HES6: variants seen among roughly 807,000 people sequenced by gnomAD.
The protein encoded by HES6 is transcription cofactor HES-6.
Under a neutral mutation model 16.4 loss-of-function variants are expected in HES6, and 24 were observed. The observed-to-expected ratio is 1.46, with a 90% CI of 1.06 to 2.06. HES6 has a LOEUF of 2.06. HES6 is among the 30% of genes most tolerant of loss of function. HES6 has a pLI of 0.00. For missense variants in HES6, 355 were observed against 317.6 expected (o/e 1.12, Z -0.90); for synonymous variants, 159 against 144.3 (o/e 1.10, Z -0.73).
At position 238,238,893 on chromosome 2, in the gene HES6, C is replaced by G. The variant is rs766348993; in HGVS notation, c.609G>C (p.Leu203Phe). The change falls in exon 4 of 4, where the codon TTG becomes TTC. Residue 203 changes from leucine to phenylalanine, a missense_variant. Leu to Phe is a conservative substitution (Grantham distance 22). Transcript: ENST00000272937. ...LSQAPAEGPD[L>F]VPAALGSLTT... Reference sequence around the variant, plus strand: ...TCAGGCTGCCCAGGGCTGCGGGCACCAAGTCGGGCCCCTCAGCAGGAGCCT... The same window carrying G: ...TCAGGCTGCCCAGGGCTGCGGGCACGAAGTCGGGCCCCTCAGCAGGAGCCT... The G allele has an allele frequency of 6.3e-7, 1 of 1,581,212 alleles. No homozygotes were observed. Among genetic ancestry groups the G allele is most frequent in the African/African-American group, 1.3e-5 (1 of 74,304 alleles).
At position 238,238,976 on chromosome 2, in the gene HES6, C is replaced by G. The variant is rs1559315315; in HGVS notation, c.526G>C (p.Gly176Arg). 6.2e-7 allele frequency: 1 copy of G among 1,604,116 alleles called. No individual in the cohort carries two copies. The highest frequency in any genetic ancestry group is 1.3e-5 in the African/African-American group (1 of 74,876). ...APGSPIPSPP[G>R]PGDDLCSDLE... is the part of the protein sequence containing the mutation. Reference sequence around the variant, plus strand: ...TCGGAGCACAGGTCGTCCCCAGGACCCGGGGGGCTGGGTATTGGGGATCCC... The same window carrying G: ...TCGGAGCACAGGTCGTCCCCAGGACGCGGGGGGCTGGGTATTGGGGATCCC... Residue 176 changes from glycine to arginine, a missense_variant, in exon 4 of 4, where the codon GGT (glycine) becomes CGT (arginine). By Grantham distance (125) the Gly-to-Arg change is moderately radical (BLOSUM62 -2). Transcript: ENST00000272937.
Position 238,239,147 on chromosome 2 carries a change from C to T in HES6, c.355G>A (p.Ala119Thr), listed in dbSNP as rs767237191. Residue 119 changes from alanine (A) to threonine (T), a missense_variant, in exon 4 of 4, where the codon GCT becomes ACT. Physicochemically the swap from Ala to Thr is moderately conservative, Grantham distance 58. Coordinates refer to ENST00000272937, the MANE Select transcript of HES6 (RefSeq NM_018645.6). ...TFVSTCQAID[A>T]TVAAELLNHL... Reference sequence around the variant, plus strand: ...TTCAGGAGCTCGGCAGCGACGGTAGCGTCGATGGCCTGGCACGTGGACACG... The same window carrying T: ...TTCAGGAGCTCGGCAGCGACGGTAGTGTCGATGGCCTGGCACGTGGACACG... 2.5e-6 allele frequency: 4 copies of T among 1,612,460 alleles called. No homozygotes were observed. In the African/African-American group the frequency reaches 4.0e-5, roughly 16 times the overall value.
chr2:238,239,403 G>C, intron 3 of HES6, 84 bp downstream of exon 3: 1 of 1,285,050 alleles, frequency 7.8e-7, no homozygotes, highest in Non-Finnish European at 1.0e-6. Flanking sequence ...CGACAGGACA[G>C]GGGCGCCGGG....
Position 238,238,724 on chromosome 2 carries a change from G to A in HES6, c.*103C>T. Reference sequence around the variant, plus strand: ...CATCAGAGGAGGGAGGGAAGACCTGGGAGACTTCCAGGGCCCTACCCCACC... The same window carrying A: ...CATCAGAGGAGGGAGGGAAGACCTGAGAGACTTCCAGGGCCCTACCCCACC... On this transcript the variant is annotated 3_prime_UTR_variant, in exon 4 of 4. Transcript: ENST00000272937. The A allele has an allele frequency of 8.6e-7, 1 of 1,169,550 alleles. No individual in the cohort carries two copies. Among genetic ancestry groups the A allele is most frequent in the African/African-American group, 1.6e-5 (1 of 64,256 alleles). 72.4% of individuals were successfully genotyped at this position (1,169,550 alleles called of 1,614,324 possible). A position where few individuals can be genotyped will look rare whatever the true frequency, so the allele number is the denominator to read the frequency against.
At chr2:238,239,611 G>GGGGGGGCGC in intron 2 of HES6, 43 bp from the exon 3 acceptor site, 3 of 1,135,694 alleles carry the variant, frequency 2.6e-6, no homozygotes, top group Non-Finnish European at 3.2e-6. Flanking sequence ...CGCGCTCCCG[G>GGGGGGGCGC]ACCCGCCCGC....
chr2:238,238,820 G>T lies in HES6; in HGVS notation c.*7C>A. The T allele has an allele frequency of 6.4e-7, 1 of 1,552,576 alleles. No individual in the cohort carries two copies. The highest frequency in any genetic ancestry group is 8.7e-7 in the Non-Finnish European group (1 of 1,155,418). ...GCCCACCCCCGCAGGACTCTGGCTG[G>T]CATTGGTCACCAAGGCCTCCAGACA... On this transcript the variant is annotated 3_prime_UTR_variant, in exon 4 of 4. Coordinates refer to ENST00000272937, the MANE Select transcript of HES6 (RefSeq NM_018645.6).
Position 238,238,923 on chromosome 2 carries a change from C to A in HES6, c.579G>T (p.Leu193=). 6.3e-7 allele frequency: 1 copy of A among 1,591,944 alleles called. No homozygotes were observed. Among genetic ancestry groups the A allele is most frequent in the Non-Finnish European group, 8.5e-7 (1 of 1,171,246 alleles). ...CGGGCCCCTCAGCAGGAGCCTGACT[C>A]AGTTCAGCCTCAGGGGCCTCCTCCA... The part of the protein sequence containing the change: ...SDLEEAPEAE[L]SQAPAEGPDL... Residue 193 remains leucine (L), a synonymous_variant, in exon 4 of 4, where the codon CTG becomes CTT. Coordinates refer to ENST00000272937, the MANE Select transcript of HES6 (RefSeq NM_018645.6).
chr2:238,238,776 G>A lies in HES6; in HGVS notation c.*51C>T. The A allele has an allele frequency of 2.0e-6, 3 of 1,493,992 alleles. No individual in the cohort carries two copies. Among genetic ancestry groups the A allele is most frequent in the Non-Finnish European group, 2.7e-6 (3 of 1,111,838 alleles). 92.5% of individuals were successfully genotyped at this position (1,493,992 alleles called of 1,614,324 possible). On this transcript the variant is annotated 3_prime_UTR_variant, in exon 4 of 4. Coordinates refer to ENST00000272937, the MANE Select transcript of HES6 (RefSeq NM_018645.6). Reference sequence around the variant, plus strand: ...CATCTGAACCCCTGGGAGGAGGGAGGAGATCCAGGGAGGGCCGGGCCCACC... The same window carrying A: ...CATCTGAACCCCTGGGAGGAGGGAGAAGATCCAGGGAGGGCCGGGCCCACC...
Position 238,239,749 on chromosome 2 carries a change from T to C in HES6, c.82-2A>G. 2 of 1,392,952 alleles carry C rather than the reference T, an allele frequency of 1.4e-6. No individual in the cohort carries two copies. Among genetic ancestry groups the C allele is most frequent in the Admixed American group, 2.3e-5 (1 of 42,710 alleles). The allele number at this position is 1,392,952 out of a possible 1,614,324, so 86.3% of individuals were successfully genotyped here. ...CTTCTCCACCAGGGGCTTCCGGGCC[T>C]GCGGGGAGCGGGGCACTGAATCCCA... On this transcript the variant is annotated splice_acceptor_variant, in intron 1 of 3. Transcript: ENST00000272937. LOFTEE classifies it high-confidence loss of function.
At position 238,238,660 on chromosome 2, in the gene HES6, T is replaced by A. The variant is rs1444286552; in HGVS notation, c.*167A>T. On this transcript the variant is annotated 3_prime_UTR_variant, in exon 4 of 4. Transcript: ENST00000272937. ...TTTCTTAAGAAACGGGGCTGGGGCCTGACTGGGCTGGTTACCAGGGGCTGC... is the reference window on the plus strand; with the variant it reads ...TTTCTTAAGAAACGGGGCTGGGGCCAGACTGGGCTGGTTACCAGGGGCTGC... The A allele has an allele frequency of 4.4e-6, 3 of 682,330 alleles. No individual in the cohort carries two copies. The highest frequency in any genetic ancestry group is 7.3e-6 in the Non-Finnish European group (3 of 409,432). The allele number at this position is 682,330 out of a possible 1,614,324, so 42.3% of individuals were successfully genotyped here.
Position 238,238,771 on chromosome 2 carries a change from G to T in HES6, c.*56C>A. On this transcript the variant is annotated 3_prime_UTR_variant, in exon 4 of 4. Transcript: ENST00000272937. ...CACCACATCTGAACCCCTGGGAGGA[G>T]GGAGGAGATCCAGGGAGGGCCGGGC... is the stretch of plus-strand genomic sequence containing the variant. 1 of 1,482,708 alleles carries T rather than the reference G, an allele frequency of 6.7e-7. No individual in the cohort carries two copies. Among genetic ancestry groups the T allele is most frequent in the Non-Finnish European group, 9.1e-7 (1 of 1,101,960 alleles). The allele number at this position is 1,482,708 out of a possible 1,614,324, so 91.8% of individuals were successfully genotyped here.
In HES6 at chr2:238,239,754, G is replaced by T. The variant is rs1420932888; in HGVS notation, c.82-7C>A. 12 of 1,393,708 alleles carry T rather than the reference G, an allele frequency of 8.6e-6. No individual in the cohort carries two copies. Among genetic ancestry groups the T allele is most frequent in the Non-Finnish European group, 1.9e-6 (2 of 1,066,422 alleles). The allele number at this position is 1,393,708 out of a possible 1,614,324, so 86.3% of individuals were successfully genotyped here. A position where few individuals can be genotyped will look rare whatever the true frequency, so the allele number is the denominator to read the frequency against. On this transcript the variant is annotated splice_region_variant and splice_polypyrimidine_tract_variant and intron_variant, in intron 1 of 3. Transcript: ENST00000272937. Reference sequence around the variant, plus strand: ...CCACCAGGGGCTTCCGGGCCTGCGGGGAGCGGGGCACTGAATCCCAGCCCC... The same window carrying T: ...CCACCAGGGGCTTCCGGGCCTGCGGTGAGCGGGGCACTGAATCCCAGCCCC...
rs1272214777 is a variant in HES6 at position 238,239,734 on chromosome 2, AG to A, written c.94del (p.Leu32TrpfsTer38). 7 of 1,366,924 alleles carry A rather than the reference AG, an allele frequency of 5.1e-6. No individual in the cohort carries two copies. The highest frequency in any genetic ancestry group is 1.7e-5 in the South Asian group (1 of 59,274). The allele number at this position is 1,366,924 out of a possible 1,614,324, so 84.7% of individuals were successfully genotyped here. On this transcript the variant is annotated frameshift_variant, in exon 2 of 4. Transcript: ENST00000272937. LOFTEE classifies it high-confidence loss of function. ...CCGCGCGCGCCGCTTCTTCTCCACC[AG>A]GGGCTTCCGGGCCTGCGGGGAGCGG... is the stretch of plus-strand genomic sequence containing the variant. ...TRGDRKARKP[L>X]VEKKRRARIN...
chr2:238,239,398 G>T, intron 3 of HES6, 89 bp downstream of exon 3: 1 of 1,284,172 alleles, frequency 7.8e-7, no homozygotes, highest in Non-Finnish European at 1.0e-6. Context: ...GCCGCCGACA[G>T]GACAGGGGCG....
intron 3 of HES6, 49 bp from the exon 4 acceptor site, chr2:238,239,300 G>A: frequency 6.4e-7 from 1 of 1,563,790 alleles, no homozygotes; most frequent in South Asian, 1.1e-5. Flanking sequence ...GCGGTGAGCG[G>A]CGACTGCGTG....
At chr2:238,239,613 C>A in intron 2 of HES6, 45 bp from the exon 3 acceptor site, 8 of 528,648 alleles carry the variant, frequency 1.5e-5, no homozygotes, top group Non-Finnish European at 2.1e-5. Flanking sequence ...CGCTCCCGGA[C>A]CCGCCCGCCC....
At position 238,238,983 on chromosome 2, in the gene HES6, G is replaced by A. The variant is rs1483372986; in HGVS notation, c.519C>T (p.Ser173=). ...AGGAPGSPIP[S]PPGPGDDLCS... is the part of the protein sequence containing the mutation. Reference sequence around the variant, plus strand: ...ACAGGTCGTCCCCAGGACCCGGGGGGCTGGGTATTGGGGATCCCGGAGCGC... The same window carrying A: ...ACAGGTCGTCCCCAGGACCCGGGGGACTGGGTATTGGGGATCCCGGAGCGC... The change falls in exon 4 of 4, where the codon AGC becomes AGT. Residue 173 remains serine (S), a synonymous_variant. Transcript: ENST00000272937. 4 of 1,605,048 alleles carry A rather than the reference G, an allele frequency of 2.5e-6. No individual in the cohort carries two copies. The highest frequency in any genetic ancestry group is 2.7e-5 in the African/African-American group (2 of 74,882).
At chr2:238,239,353 A>C (rs1695247530) in intron 3 of HES6, 102 bp from the exon 4 acceptor site, 1 of 1,348,034 alleles carries the variant, frequency 7.4e-7, no homozygotes, top group African/African-American at 1.6e-5. Context: ...CACCCAGGAG[A>C]CGCGGGGGCG....
chr2:238,239,611 G>GGGGGGCCCCCCCCCCC, intron 2 of HES6, 43 bp from the exon 3 acceptor site: 1 of 1,135,688 alleles, frequency 8.8e-7, no homozygotes, highest in Non-Finnish European at 1.1e-6. Context: ...CGCGCTCCCG[G>GGGGGGCCCCCCCCCCC]ACCCGCCCGC....
Sources: gnomAD v4.1 joint callset for allele counts on GRCh38, gnomAD v4.1.1 for gene constraint, MANE v1.5 for transcripts, NCBI Gene and HGNC (gene_info 2026-07-23, HGNC 2026-07-21) for gene names.